Variants in CFAP54 observed in about 807,000 individuals in gnomAD.
CFAP54 encodes cilia and flagella associated protein 54, also known as cilia- and flagella-associated protein 54.
A neutral mutation model predicts 370.4 loss-of-function variants in CFAP54; 290 were observed. The observed-to-expected ratio is 0.78, with a 90% CI of 0.71 to 0.86. The LOEUF (loss-of-function observed/expected upper bound fraction) is 0.86. Ranked by LOEUF, CFAP54 falls within the 40% of genes least tolerant of loss-of-function variation. The pLI is 0.00. For missense variants in CFAP54, 3,399 were observed against 3,528.7 expected, an observed-to-expected ratio of 0.96 and a Z score of 0.93; for synonymous variants, 1,206 against 1,236.5, an observed-to-expected ratio of 0.98 and a Z score of 0.52.
intron 63 of CFAP54, among the ~76,000 whole-genome samples, chr12:96,796,650 T>G (rs950816772): frequency 6.6e-6 from 1 of 152,212 alleles, no homozygotes; most frequent in East Asian, 1.9e-4. Context: ...TGTTCTATCA[T>G]TTTTGTTTAC....
At position 96,623,849 on chromosome 12, in the gene CFAP54, T is replaced by G; in HGVS notation, c.3854T>G (p.Leu1285Trp). The change falls in exon 28 of 68, where the codon TTG (leucine) becomes TGG (tryptophan). Residue 1285 changes from leucine to tryptophan, a missense_variant. Physicochemically the swap from Leu to Trp is moderately conservative, Grantham distance 61. This residue lies in a region of CFAP54 where 2,796 missense variants were observed against 2,869.7 expected (regional missense o/e 0.97). Coordinates refer to ENST00000524981, the MANE Select transcript of CFAP54 (RefSeq NM_001306084.2). ...PEKINEQLAL[L>W]ETHLLKLTKQ... is the part of the protein sequence containing the mutation. ...AAGATAAATGAACAGCTGGCCTTGT[T>G]GGAGACACACCTACTCAAACTGACA... 2.0e-6 allele frequency: 3 copies of G among 1,535,388 alleles called. No homozygotes were observed. Among genetic ancestry groups the G allele is most frequent in the Non-Finnish European group, 2.6e-6 (3 of 1,146,316 alleles).
At chr12:96,749,813 C>T (rs911474660) in intron 55 of CFAP54, among the ~76,000 whole-genome samples, 2 of 152,036 alleles carry the variant, frequency 1.3e-5, no homozygotes, top group Middle Eastern at 3.2e-3. Context: ...TTTATTCTTC[C>T]TCTTGTCAGC....
chr12:96,846,517 G>A (rs1959351541), intron 66 of CFAP54, among the ~76,000 whole-genome samples: 1 of 152,326 alleles, frequency 6.6e-6, no homozygotes, highest in South Asian at 2.1e-4. Flanking sequence ...TAGGGTGTCA[G>A]ATTTCAAAGG....
At chr12:96,602,016 T>C (rs1256506233) in intron 26 of CFAP54, among the ~76,000 whole-genome samples, 2 of 152,220 alleles carry the variant, frequency 1.3e-5, no homozygotes, top group Non-Finnish European at 2.9e-5. Context: ...ATGTGTTTGC[T>C]CTTGCTTCTC....
intron 35 of CFAP54, among the ~76,000 whole-genome samples, chr12:96,650,813 C>T (rs1310466263): frequency 4.6e-5 from 7 of 152,114 alleles, no homozygotes; most frequent in Non-Finnish European, 5.9e-5. Flanking sequence ...CCTGCTTTGA[C>T]CATAAGCATC....
At chr12:96,866,903 A>G (rs1054147751) in intron 67 of CFAP54, among the ~76,000 whole-genome samples, 2 of 152,230 alleles carry the variant, frequency 1.3e-5, no homozygotes, top group Admixed American at 6.5e-5. Context: ...ATTCAAGTCA[A>G]CTGTTTATAT....
At chr12:96,865,318 A>G (rs1032753174) in intron 67 of CFAP54, among the ~76,000 whole-genome samples, 1 of 152,226 alleles carries the variant, frequency 6.6e-6, no homozygotes, top group South Asian at 2.1e-4. Context: ...ACAGAGATAT[A>G]TATCAATCTG....
At chr12:96,631,896 G>A (rs1278280053) in intron 32 of CFAP54, among the ~76,000 whole-genome samples, 5 of 151,494 alleles carry the variant, frequency 3.3e-5, no homozygotes, top group Admixed American at 1.3e-4. Context: ...AATACACAGC[G>A]TTGCGGTTTT....
chr12:96,630,525 T>C (rs1025200307), intron 31 of CFAP54, 26 bp from the exon 32 acceptor site: 21 of 1,227,344 alleles, frequency 1.7e-5, no homozygotes, highest in Non-Finnish European at 2.2e-5. Context: ...AAATTTAACT[T>C]GTAACATTTT....
rs1249410804 is a variant in CFAP54 at position 96,512,299 on chromosome 12, TTTTATATATATATATA to T, written c.740-685_740-670del. On this transcript the variant is annotated intron_variant, in intron 4 of 67. Coordinates refer to ENST00000524981, the MANE Select transcript of CFAP54 (RefSeq NM_001306084.2). ...ATGATAAGGAAACCATGGGAACCAA[TTTTATATATATATATA>T]TATATATATATATATATATATATAT... is the stretch of plus-strand genomic sequence containing the variant. 2.0e-3 allele frequency among the ~76,000 whole-genome samples: 243 copies of T among 119,558 alleles called. 6 individuals carry two copies. Among genetic ancestry groups the T allele is most frequent in the African/African-American group, 6.9e-3 (228 of 33,254 alleles). 78.4% of individuals were successfully genotyped at this position (119,558 alleles called of 152,430 possible). A position where few individuals can be genotyped will look rare whatever the true frequency, so the allele number is the denominator to read the frequency against.
chr12:96,730,721 A>G (rs1438426042), intron 50 of CFAP54, among the ~76,000 whole-genome samples: 8 of 152,214 alleles, frequency 5.3e-5, no homozygotes, highest in Non-Finnish European at 1.0e-4. Context: ...CATTCTCTTT[A>G]AACAGGAGAA....
At chr12:96,685,479 C>T (rs904927449) in intron 42 of CFAP54, among the ~76,000 whole-genome samples, 4 of 152,138 alleles carry the variant, frequency 2.6e-5, no homozygotes, top group Non-Finnish European at 4.4e-5. Context: ...CAGGTGTTTG[C>T]TTTGCTTACT....
rs144317583 is a variant in CFAP54 at position 96,543,541 on chromosome 12, A to G, written c.2077+2554A>G. ...TGCATTTATTATACTGAAGTCTTCA[A>G]TGAAGAACTTAACCTCACACCTGTT... On this transcript the variant is annotated intron_variant, in intron 14 of 67. Transcript: ENST00000524981. Among the ~76,000 whole-genome samples the G allele has an allele frequency of 8.5e-5, 13 of 152,322 alleles. No homozygotes were observed. In the East Asian group the frequency reaches 9.6e-4, roughly 11 times the overall value.
chr12:96,753,149 G>C (rs1958208703), intron 55 of CFAP54, among the ~76,000 whole-genome samples: 1 of 152,122 alleles, frequency 6.6e-6, no homozygotes, highest in Non-Finnish European at 1.5e-5. Context: ...TGGCTCTGGG[G>C]TCACACAGAT....
intron 14 of CFAP54, among the ~76,000 whole-genome samples, chr12:96,546,975 G>T (rs1487853635): frequency 2.6e-5 from 4 of 152,232 alleles, no homozygotes; most frequent in African/African-American, 9.6e-5. Flanking sequence ...CTGAAGAGCT[G>T]ATCAATATTG....
Position 96,825,341 on chromosome 12 carries a change from A to C in CFAP54, c.9097-3673A>C, listed in dbSNP as rs181595500. On this transcript the variant is annotated intron_variant, in intron 65 of 67. Coordinates refer to ENST00000524981, the MANE Select transcript of CFAP54 (RefSeq NM_001306084.2). ...ATATATATTATATAACATGTTATAT[A>C]TTATGTAACATGTTATATTATATAT... 4.3e-3 allele frequency among the ~76,000 whole-genome samples: 543 copies of C among 125,466 alleles called. 23 individuals carry two copies. In the East Asian group the frequency reaches 0.064, roughly 15 times the overall value. The allele number at this position is 125,466 out of a possible 152,430, so 82.3% of individuals were successfully genotyped here.
At position 96,756,498 on chromosome 12, in the gene CFAP54, A is replaced by G; in HGVS notation, c.7881A>G (p.Pro2627=). 6.2e-7 allele frequency: 1 copy of G among 1,604,026 alleles called. No individual in the cohort carries two copies. Among genetic ancestry groups the G allele is most frequent in the Non-Finnish European group, 8.5e-7 (1 of 1,176,656 alleles). ...ERQILMEEKS[P]SFQLESLYEA... is the part of the protein sequence containing the mutation. ...AAATACTAATGGAAGAGAAATCTCC[A>G]AGTTTTCAACTTGAGAGTTTATATG... The change falls in exon 57 of 68, where the codon CCA becomes CCG. Residue 2627 remains proline, a synonymous_variant. Coordinates refer to ENST00000524981, the MANE Select transcript of CFAP54 (RefSeq NM_001306084.2).
intron 20 of CFAP54, among the ~76,000 whole-genome samples, chr12:96,579,262 TAGTGCTTTTTAA>T (rs1956009013): frequency 6.6e-6 from 1 of 152,138 alleles, no homozygotes; most frequent in African/African-American, 2.4e-5. Flanking sequence ...TGCCTTTGAC[TAGTGCTTTTTAA>T]TCAGTTGTGC....
At chr12:96,675,302 A>G (rs1456431313) in intron 39 of CFAP54, among the ~76,000 whole-genome samples, 2 of 152,200 alleles carry the variant, frequency 1.3e-5, no homozygotes, top group East Asian at 3.8e-4. Flanking sequence ...CTTCTCAAAA[A>G]AAGATATTTA....
Sources: gnomAD v4.1 joint callset for allele counts (sites outside exome capture counted in the v4.1 genomes callset) on GRCh38, gnomAD v4.1.1 for gene constraint, gnomAD v4.1.1 regional missense constraint, MANE v1.5 for transcripts, NCBI Gene and HGNC (gene_info 2026-07-23, HGNC 2026-07-21) for gene names.